Variants in OGDH observed in about 807,000 individuals in gnomAD.
The protein encoded by OGDH is 2-oxoglutarate dehydrogenase complex component E1.
A neutral mutation model predicts 116.6 loss-of-function variants in OGDH; 38 were observed. That is an observed-to-expected ratio of 0.33 (90% CI 0.25 to 0.43). The LOEUF is 0.43. OGDH is among the 20% of genes least tolerant of loss of function. The probability of loss-of-function intolerance (pLI) is 1.00; values close to 1 mark genes in which losing one functional copy is unlikely to be tolerated. For missense variants in OGDH, 825 were observed against 1,357.2 expected (o/e 0.61, Z 6.16); for synonymous variants, 488 against 533.3 (o/e 0.92, Z 1.17).
intron 1 of OGDH, among the ~76,000 whole-genome samples, chr7:44,607,785 C>T (rs1466056927): frequency 1.3e-5 from 2 of 152,160 alleles, no homozygotes; most frequent in East Asian, 3.8e-4. Context: ...ACTGCAACCT[C>T]TGCCTTCCTG....
chr7:44,694,629 A>G lies in OGDH; in HGVS notation c.1668+53A>G. 6 of 1,599,898 alleles carry G rather than the reference A, an allele frequency of 3.8e-6. No individual in the cohort carries two copies. The highest frequency in any genetic ancestry group is 3.3e-5 in the South Asian group (3 of 90,618). ...CGCCTTTCCAGGGCTGGCGATGACT[A>G]GAAAAGGTGGGCCACAGGGCCAGTT... is the stretch of plus-strand genomic sequence containing the variant. On this transcript the variant is annotated intron_variant, in intron 12 of 22. Coordinates refer to ENST00000222673, the MANE Select transcript of OGDH (RefSeq NM_002541.4). This position sits in a 1 kb window ranked among gnomAD's most constrained non-coding sequence, Gnocchi z 4.2.
chr7:44,708,142 A>T lies in OGDH; in HGVS notation c.*143A>T. The T allele has an allele frequency of 1.7e-6, 2 of 1,186,862 alleles. No homozygotes were observed. The highest frequency in any genetic ancestry group is 2.3e-6 in the Non-Finnish European group (2 of 855,090). The allele number at this position is 1,186,862 out of a possible 1,614,324, so 73.5% of individuals were successfully genotyped here. ...CCACCCCTCCCTCTGCTCTCATAGG[A>T]GTTAGGCTGTCGTCCCCCTCCAGTG... On this transcript the variant is annotated 3_prime_UTR_variant, in exon 23 of 23. Coordinates refer to ENST00000222673, the MANE Select transcript of OGDH (RefSeq NM_002541.4).
At chr7:44,678,174 G>A (rs748603028) in intron 9 of OGDH, among the ~76,000 whole-genome samples, 1 of 152,032 alleles carries the variant, frequency 6.6e-6, no homozygotes, top group Non-Finnish European at 1.5e-5. Flanking sequence ...GGAACCTGCA[G>A]CCCCCGCAGG....
At chr7:44,640,895 GTT>G (rs555010115) in intron 2 of OGDH, among the ~76,000 whole-genome samples, 1 of 143,356 alleles carries the variant, frequency 7.0e-6, no homozygotes, top group Non-Finnish European at 1.5e-5. Flanking sequence ...TTTTTTGTGG[GTT>G]TTTTTTTTTT....
intron 2 of OGDH, among the ~76,000 whole-genome samples, chr7:44,628,058 T>A (rs1203895341): frequency 2.6e-5 from 4 of 152,206 alleles, no homozygotes; most frequent in African/African-American, 9.6e-5. Context: ...ATAAGCCTAA[T>A]GAGGAGACTG....
At chr7:44,654,147 G>A (rs1026022600) in intron 4 of OGDH, among the ~76,000 whole-genome samples, 6 of 152,180 alleles carry the variant, frequency 3.9e-5, no homozygotes, top group South Asian at 2.1e-4. Flanking sequence ...GAGCCACCAC[G>A]CTCCGTGAGA....
intron 2 of OGDH, among the ~76,000 whole-genome samples, chr7:44,636,699 A>T (rs1785686673): frequency 6.6e-6 from 1 of 152,244 alleles, no homozygotes; most frequent in African/African-American, 2.4e-5. Context: ...TTATGGTTGC[A>T]TAGAATTCTG....
At chr7:44,636,813 GTTTCA>G (rs1268122225) in intron 2 of OGDH, among the ~76,000 whole-genome samples, 5 of 152,154 alleles carry the variant, frequency 3.3e-5, no homozygotes, top group Non-Finnish European at 5.9e-5. Context: ...AGGAGGTCTG[GTTTCA>G]TTTCATCCAG....
intron 2 of OGDH, among the ~76,000 whole-genome samples, chr7:44,626,306 TACACACAC>T (rs374833881): frequency 1.8e-4 from 24 of 136,898 alleles, no homozygotes; most frequent in Middle Eastern, 3.9e-3. Context: ...CACACACCCC[TACACACAC>T]ACACACACAC....
intron 6 of OGDH, among the ~76,000 whole-genome samples, 157 bp from the exon 7 acceptor site, chr7:44,674,254 A>G (rs199773249): frequency 2.0e-5 from 3 of 152,316 alleles, no homozygotes; most frequent in East Asian, 3.9e-4. Context: ...CGTGTTGGCC[A>G]GGCTGGTCTC....
intron 4 of OGDH, chr7:44,666,521 A>T (rs978206129): frequency 6.1e-6 from 2 of 325,750 alleles, no homozygotes; most frequent in Non-Finnish European, 1.1e-5. Context: ...TACCTGTCAT[A>T]CTCTAATAGC....
intron 1 of OGDH, among the ~76,000 whole-genome samples, chr7:44,614,006 A>C (rs1784670273): frequency 6.6e-6 from 1 of 151,400 alleles, no homozygotes; most frequent in East Asian, 2.0e-4. Context: ...GGGTTTCTCC[A>C]TGTTGGTCAG....
At chr7:44,662,294 C>T (rs1406781211) in intron 4 of OGDH, among the ~76,000 whole-genome samples, 1 of 152,020 alleles carries the variant, frequency 6.6e-6, no homozygotes, top group Non-Finnish European at 1.5e-5. Context: ...TTTTTTAGGG[C>T]AGGTCTGCTG....
At chr7:44,635,950 G>A (rs1196384981) in intron 2 of OGDH, among the ~76,000 whole-genome samples, 5 of 152,148 alleles carry the variant, frequency 3.3e-5, no homozygotes, top group African/African-American at 4.8e-5. Context: ...TGATCCGCCC[G>A]CCTCAGCCTC....
intron 10 of OGDH, among the ~76,000 whole-genome samples, chr7:44,682,915 G>A (rs956985812): frequency 6.6e-6 from 1 of 151,916 alleles, no homozygotes; most frequent in African/African-American, 2.4e-5. Flanking sequence ...TTGGGCGGCC[G>A]AGGCAGACGG....
intron 1 of OGDH, among the ~76,000 whole-genome samples, chr7:44,615,538 A>G (rs1288415092): frequency 6.6e-6 from 1 of 152,148 alleles, no homozygotes; most frequent in Admixed American, 6.6e-5. Context: ...TGGAGTGAGG[A>G]TATTTCCTGT....
chr7:44,610,968 T>A (rs1784541413), intron 1 of OGDH, among the ~76,000 whole-genome samples: 1 of 152,214 alleles, frequency 6.6e-6, no homozygotes. Context: ...TGATGAGGTC[T>A]GGTTTACCAA....
intron 20 of OGDH, among the ~76,000 whole-genome samples, chr7:44,704,426 G>A (rs1239786039): frequency 6.7e-6 from 1 of 149,468 alleles, no homozygotes; most frequent in Non-Finnish European, 1.5e-5. Flanking sequence ...TCTCTATGTT[G>A]CCCAGGCTAG....
intron 2 of OGDH, among the ~76,000 whole-genome samples, chr7:44,639,199 C>A (rs1457963600): frequency 1.3e-5 from 2 of 152,132 alleles, no homozygotes; most frequent in African/African-American, 2.4e-5. Flanking sequence ...TTCAGGTGTT[C>A]AGAGGATGAG....
Sources: allele counts gnomAD v4.1 joint callset (sites outside exome capture counted in the v4.1 genomes callset), GRCh38; gene constraint gnomAD v4.1.1; non-coding constraint Gnocchi (gnomAD v3.1); transcripts MANE v1.5; gene names NCBI Gene and HGNC (gene_info 2026-07-23, HGNC 2026-07-21).